The following GDAP1 variants were observed in gnomAD, a reference collection of about 807,000 sequenced individuals.
The protein encoded by GDAP1 is ganglioside induced differentiation associated protein 1, also known as ganglioside-induced differentiation-associated protein 1.
In GDAP1, 34 loss-of-function variants were observed where a neutral mutation model predicts 40.1. The observed-to-expected ratio is 0.85, with a 90% CI of 0.64 to 1.13. The LOEUF (loss-of-function observed/expected upper bound fraction) is 1.13, where lower values mean the gene tolerates loss of function less well. Ranked by LOEUF, GDAP1 falls within the 50% of genes most tolerant of loss-of-function variation. GDAP1 has a pLI of 0.00. For synonymous variants in GDAP1, 170 were observed against 157.4 expected (o/e 1.08, Z -0.60); for missense variants, 374 against 433.7 (o/e 0.86, Z 1.22).
chr8:74,466,970 G>T (rs1427490193), intron 2 of GDAP1, among the ~76,000 whole-genome samples: 1 of 152,212 alleles, frequency 6.6e-6, no homozygotes, highest in Admixed American at 6.5e-5. Flanking sequence ...AGGAATCACG[G>T]ACTCTAATCC....
chr8:74,389,988 G>A (rs751251465), intron 2 of GDAP1, among the ~76,000 whole-genome samples: 3 of 152,018 alleles, frequency 2.0e-5, no homozygotes, highest in African/African-American at 7.3e-5. Flanking sequence ...CAATACTTGC[G>A]TACGCTTCAC....
intron 2 of GDAP1, among the ~76,000 whole-genome samples, chr8:74,413,487 A>T (rs1003268043): frequency 6.7e-6 from 1 of 149,698 alleles, no homozygotes; most frequent in African/African-American, 2.6e-5. Context: ...AGTTATGTAT[A>T]TGTATTTTTC....
chr8:74,413,349 C>G (rs1036323735), intron 2 of GDAP1, among the ~76,000 whole-genome samples: 2 of 149,840 alleles, frequency 1.3e-5, no homozygotes, highest in Admixed American at 6.6e-5. Flanking sequence ...ATTTACCATT[C>G]CCCCTTCCGG....
intron 2 of GDAP1, among the ~76,000 whole-genome samples, chr8:74,422,916 A>G (rs1378707654): frequency 6.6e-6 from 1 of 151,590 alleles, no homozygotes; most frequent in Non-Finnish European, 1.5e-5. Context: ...AGAAATGTAG[A>G]CATGTATATA....
intron 2 of GDAP1, among the ~76,000 whole-genome samples, chr8:74,466,802 CTA>C (rs977016945): frequency 1.6e-4 from 25 of 152,302 alleles, no homozygotes; most frequent in African/African-American, 5.5e-4. Context: ...TGAATCATCA[CTA>C]TGTATTTGCA....
At position 74,468,478 on chromosome 8, in the gene GDAP1, TACACACACACACACAC is replaced by T. The variant is rs71271804; in HGVS notation, c.166-20168_166-20153del. Among the ~76,000 whole-genome samples, 178 of 139,202 alleles carry T rather than the reference TACACACACACACACAC, an allele frequency of 1.3e-3. 1 individual carries two copies. Among genetic ancestry groups the T allele is most frequent in the South Asian group, 5.2e-3 (21 of 4,024 alleles). 91.3% of individuals were successfully genotyped at this position (139,202 alleles called of 152,430 possible). On this transcript the variant is annotated intron_variant, in intron 2 of 2. Transcript: ENST00000523640. ...TTACATATATATGTAAATGACCCCA[TACACACACACACACAC>T]ACACACACACACACACACACACACA...
rs866006500 is a variant in GDAP1 at position 74,482,122 on chromosome 8, G to C, written c.166-6556G>C. 1.3e-4 allele frequency among the ~76,000 whole-genome samples: 8 copies of C among 61,416 alleles called. No individual in the cohort carries two copies. The South Asian group carries it at 1.3e-3, about 10-fold the overall frequency. The allele number at this position is 61,416 out of a possible 152,430, so 40.3% of individuals were successfully genotyped here. A position where few individuals can be genotyped will look rare whatever the true frequency, so the allele number is the denominator to read the frequency against. On this transcript the variant is annotated intron_variant, in intron 2 of 2. Coordinates refer to the GDAP1 transcript ENST00000523640. ...ACCAAACTGAAGGGTTTTTTTTTGG[G>C]GGGGGGGGGTCATCTTTCTTCCAGG...
At chr8:74,421,366 G>A (rs1805855811) in intron 2 of GDAP1, among the ~76,000 whole-genome samples, 1 of 150,146 alleles carries the variant, frequency 6.7e-6, no homozygotes, top group Non-Finnish European at 1.5e-5. Context: ...CTTTTTTTCT[G>A]AACTGAAATT....
chr8:74,399,006 T>G (rs1339912983), intron 2 of GDAP1, among the ~76,000 whole-genome samples: 1 of 152,094 alleles, frequency 6.6e-6, no homozygotes, highest in African/African-American at 2.4e-5. Flanking sequence ...TGATCTAAAA[T>G]TCTCTTTTTT....
chr8:74,396,925 C>T (rs1254440140), intron 2 of GDAP1, among the ~76,000 whole-genome samples: 3 of 152,288 alleles, frequency 2.0e-5, no homozygotes, highest in South Asian at 4.1e-4. Context: ...CCTGAGGAAT[C>T]GCCACACTGA....
chr8:74,355,254 G>A (rs1050976268), intron 2 of GDAP1, among the ~76,000 whole-genome samples: 1 of 152,082 alleles, frequency 6.6e-6, no homozygotes, highest in Non-Finnish European at 1.5e-5. Context: ...AGAGCTGGCC[G>A]AGAGCTATCT....
Position 74,361,912 on chromosome 8 carries a change from G to A in GDAP1, c.513G>A (p.Leu171=), listed in dbSNP as rs778079435. 5 of 1,607,460 alleles carry A rather than the reference G, an allele frequency of 3.1e-6. No homozygotes were observed. The Admixed American group carries it at 8.3e-5, about 27-fold the overall frequency. Reference sequence around the variant, plus strand: ...AAATTGGAAACACAGAGTCTGAGCTGAAGAAACTTGCTGAAGAAAACCCAG... The same window carrying A: ...AAATTGGAAACACAGAGTCTGAGCTAAAGAAACTTGCTGAAGAAAACCCAG... ...RSQIGNTESE[L]KKLAEENPDL... Residue 171 remains leucine, a synonymous_variant, in exon 4 of 6, where the codon CTG becomes CTA. Transcript: ENST00000220822.
chr8:74,384,230 C>T (rs1307044156), intron 2 of GDAP1, among the ~76,000 whole-genome samples: 1 of 151,922 alleles, frequency 6.6e-6, no homozygotes, highest in East Asian at 1.9e-4. Context: ...TCTTGTAGCT[C>T]CTGGTAATTC....
In GDAP1 at chr8:74,479,099, A is replaced by C. The variant is rs924580214; in HGVS notation, c.166-9579A>C. Among the ~76,000 whole-genome samples the C allele has an allele frequency of 5.9e-5, 9 of 152,296 alleles. 1 individual carries two copies. Among genetic ancestry groups the C allele is most frequent in the Admixed American group, 5.9e-4 (9 of 15,298 alleles). ...TTGAGTTTAGTCAGCCATCTTGGTG[A>C]CATAAGTTAAATGCCGAAATTTTTT... On this transcript the variant is annotated intron_variant, in intron 2 of 2. Coordinates refer to the GDAP1 transcript ENST00000523640.
chr8:74,386,876 G>A (rs1053139725), intron 2 of GDAP1, among the ~76,000 whole-genome samples: 3 of 152,134 alleles, frequency 2.0e-5, no homozygotes, highest in African/African-American at 4.8e-5. Flanking sequence ...GTGGTTTGTA[G>A]TTCTCCTTGA....
In GDAP1 at chr8:74,383,886, C is replaced by G. The variant is rs534913023; in HGVS notation, c.165+32565C>G. On this transcript the variant is annotated intron_variant, in intron 2 of 2. Transcript: ENST00000523640. ...AAATATAACAGATATTTTTTCCAAC[C>G]TGTGAATCAACCCTGCATCTTGGTG... 7.2e-4 allele frequency among the ~76,000 whole-genome samples: 109 copies of G among 152,138 alleles called. 1 individual carries two copies. The highest frequency in any genetic ancestry group is 2.5e-3 in the African/African-American group (105 of 41,522).
intron 2 of GDAP1, among the ~76,000 whole-genome samples, chr8:74,359,392 C>T (rs10096726): frequency 0.47 from 71,433 of 152,080 alleles, 16,777 homozygotes; most frequent in Middle Eastern, 0.54. Flanking sequence ...ATGGTCCCTG[C>T]CCTCAAGGAC....
intron 2 of GDAP1, among the ~76,000 whole-genome samples, chr8:74,404,628 T>C (rs1445862949): frequency 6.7e-6 from 1 of 149,834 alleles, no homozygotes; most frequent in African/African-American, 2.6e-5. Context: ...ACCACTATTC[T>C]GTAATACCTC....
intron 2 of GDAP1, among the ~76,000 whole-genome samples, chr8:74,373,419 C>G (rs1167115634): frequency 6.6e-6 from 1 of 151,980 alleles, no homozygotes; most frequent in Admixed American, 6.6e-5. Flanking sequence ...TGTTTGTGTC[C>G]TCTTTTATTT....
Sources: allele counts gnomAD v4.1 joint callset (sites outside exome capture counted in the v4.1 genomes callset), GRCh38; gene constraint gnomAD v4.1.1; transcripts MANE v1.5; gene names NCBI Gene and HGNC (gene_info 2026-07-23, HGNC 2026-07-21).